The following WDR49 variants were observed in gnomAD, a reference collection of about 807,000 sequenced individuals.
The protein encoded by WDR49 is WD repeat domain 49, also known as cilia- and flagella-associated protein 337.
A neutral mutation model predicts 119.5 loss-of-function variants in WDR49; 107 were observed. That is an observed-to-expected ratio of 0.90 (90% confidence interval 0.77 to 1.05). The LOEUF (loss-of-function observed/expected upper bound fraction) is 1.05. Ranked by LOEUF, WDR49 falls within the 50% of genes least tolerant of loss-of-function variation. WDR49 has a pLI of 0.00. For missense variants in WDR49, 1,240 were observed against 1,220.5 expected (o/e 1.02, Z -0.24); for synonymous variants, 425 against 418.8 (o/e 1.01, Z -0.18).
At chr3:167,642,932 GT>G (rs531704674) in intron 2 of WDR49, among the ~76,000 whole-genome samples, 1 of 152,008 alleles carries the variant, frequency 6.6e-6, no homozygotes, top group Non-Finnish European at 1.5e-5. Context: ...CCATAAATCT[GT>G]GGTCAGACTC....
chr3:167,571,612 T>C (rs1212691746), intron 8 of WDR49, among the ~76,000 whole-genome samples: 2 of 152,220 alleles, frequency 1.3e-5, no homozygotes, highest in Non-Finnish European at 2.9e-5. Context: ...AAAGTAGTTC[T>C]ACATTTAGCC....
intron 8 of WDR49, among the ~76,000 whole-genome samples, chr3:167,569,574 G>A (rs558061637): frequency 5.6e-4 from 85 of 151,268 alleles, no homozygotes; most frequent in African/African-American, 2.0e-3. Context: ...GCCTATGCCT[G>A]TAATCCCAGC....
intron 18 of WDR49, among the ~76,000 whole-genome samples, chr3:167,497,210 G>A (rs546524580): frequency 1.3e-5 from 2 of 151,988 alleles, no homozygotes; most frequent in Admixed American, 6.6e-5. Context: ...ATTTTCTCTC[G>A]CAAGTAGTCA....
chr3:167,638,957 T>C (rs1054442606), intron 2 of WDR49, among the ~76,000 whole-genome samples: 3 of 151,634 alleles, frequency 2.0e-5, no homozygotes, highest in African/African-American at 7.2e-5. Context: ...AAAAAATCAA[T>C]AAATCTTTCT....
intron 15 of WDR49, among the ~76,000 whole-genome samples, chr3:167,525,043 G>T (rs1752585077): frequency 6.6e-6 from 1 of 152,124 alleles, no homozygotes; most frequent in Non-Finnish European, 1.5e-5. Flanking sequence ...CATGAGCATG[G>T]AGTGTTTTTC....
At chr3:167,575,335 A>G (rs1470348085) in intron 8 of WDR49, 1 of 977,268 alleles carries the variant, frequency 1.0e-6, no homozygotes, top group South Asian at 4.7e-5. Flanking sequence ...CTGCTTCTTC[A>G]TTGAGATGCA....
intron 15 of WDR49, among the ~76,000 whole-genome samples, chr3:167,523,701 C>T (rs1371205129): frequency 6.6e-6 from 1 of 152,076 alleles, no homozygotes; most frequent in Non-Finnish European, 1.5e-5. Flanking sequence ...CCAGCTTCAT[C>T]CATGTCCTTG....
At chr3:167,560,405 C>T (rs141948607) in intron 8 of WDR49, among the ~76,000 whole-genome samples, 177 bp from the exon 9 acceptor site, 4 of 152,204 alleles carry the variant, frequency 2.6e-5, no homozygotes, top group African/African-American at 7.2e-5. Context: ...TTGACTAGAC[C>T]TGAGGTAATG....
chr3:167,568,349 T>G (rs1713730610), intron 8 of WDR49, among the ~76,000 whole-genome samples: 2 of 152,184 alleles, frequency 1.3e-5, no homozygotes, highest in South Asian at 4.1e-4. Context: ...TCTTTTGCTT[T>G]AAATTATTGT....
intron 8 of WDR49, among the ~76,000 whole-genome samples, chr3:167,569,748 C>T (rs1424871289): frequency 6.6e-6 from 1 of 151,344 alleles, no homozygotes; most frequent in Non-Finnish European, 1.5e-5. Flanking sequence ...GAAGGATCAA[C>T]TGTCTATATA....
chr3:167,491,848 A>G (rs1280680391), intron 18 of WDR49, among the ~76,000 whole-genome samples: 1 of 152,182 alleles, frequency 6.6e-6, no homozygotes, highest in Admixed American at 6.6e-5. Context: ...AGTGTGAAGA[A>G]AGATGTTTCA....
chr3:167,564,784 G>C (rs1713493441), intron 8 of WDR49, among the ~76,000 whole-genome samples: 1 of 152,126 alleles, frequency 6.6e-6, no homozygotes. Context: ...AGCTGTCAGA[G>C]CTAATCAGAC....
At chr3:167,509,140 T>A (rs897749370) in intron 16 of WDR49, among the ~76,000 whole-genome samples, 2 of 152,168 alleles carry the variant, frequency 1.3e-5, no homozygotes, top group East Asian at 3.9e-4. Context: ...TAATAATGAA[T>A]CCCTTCCAGA....
At chr3:167,646,164 C>T (rs914993285) in intron 2 of WDR49, among the ~76,000 whole-genome samples, 1 of 151,998 alleles carries the variant, frequency 6.6e-6, no homozygotes, top group Admixed American at 6.6e-5. Flanking sequence ...CTCATTGGAA[C>T]CATAAATCCA....
At chr3:167,539,397 A>G (rs1364383037) in intron 10 of WDR49, among the ~76,000 whole-genome samples, 5 of 151,996 alleles carry the variant, frequency 3.3e-5, no homozygotes, top group African/African-American at 1.2e-4. Flanking sequence ...TTCTTTTTAC[A>G]CACAGACCCA....
At chr3:167,605,403 T>A (rs1262383948) in intron 5 of WDR49, among the ~76,000 whole-genome samples, 1 of 152,136 alleles carries the variant, frequency 6.6e-6, no homozygotes, top group Non-Finnish European at 1.5e-5. Context: ...CATTTACAGA[T>A]ATCGTCTCTC....
chr3:167,650,525 A>G (rs1479786480), intron 2 of WDR49, among the ~76,000 whole-genome samples: 1 of 152,242 alleles, frequency 6.6e-6, no homozygotes, highest in Non-Finnish European at 1.5e-5. Flanking sequence ...GACGTCAATT[A>G]GAATTTTTGC....
intron 5 of WDR49, among the ~76,000 whole-genome samples, chr3:167,613,701 T>G (rs770006470): frequency 1.3e-5 from 2 of 152,060 alleles, no homozygotes; most frequent in South Asian, 4.2e-4. Flanking sequence ...TCCCAGCAGT[T>G]TGGGAGGCTG....
At chr3:167,511,930 C>T (rs942523468) in intron 16 of WDR49, among the ~76,000 whole-genome samples, 3 of 152,166 alleles carry the variant, frequency 2.0e-5, no homozygotes, top group Non-Finnish European at 4.4e-5. Context: ...TGACTCCAGC[C>T]AGGGGTTTAT....
Sources: gnomAD v4.1 joint callset for allele counts (sites outside exome capture counted in the v4.1 genomes callset) on GRCh38, gnomAD v4.1.1 for gene constraint, MANE v1.5 for transcripts, NCBI Gene and HGNC (gene_info 2026-07-23, HGNC 2026-07-21) for gene names.